Variants in ERO1B observed in about 807,000 individuals in gnomAD.
ERO1B encodes ERO1-like protein beta.
In ERO1B, 49 loss-of-function variants were observed where a neutral mutation model predicts 75.3. The observed-to-expected ratio is 0.65, with a 90% CI of 0.52 to 0.83. The LOEUF (loss-of-function observed/expected upper bound fraction) is 0.83, where lower values mean the gene tolerates loss of function less well. ERO1B is among the 40% of genes least tolerant of loss of function. The pLI is 0.00. For missense variants in ERO1B, 512 were observed against 560.1 expected, an observed-to-expected ratio of 0.91 and a Z score of 0.87; for synonymous variants, 191 against 192.9, an observed-to-expected ratio of 0.99 and a Z score of 0.08.
At position 236,220,976 on chromosome 1, in the gene ERO1B, T is replaced by A. The variant is rs1664123595; in HGVS notation, c.1210-11A>T. On this transcript the variant is annotated splice_polypyrimidine_tract_variant and intron_variant, in intron 14 of 15. Transcript: ENST00000354619. Reference sequence around the variant, plus strand: ...TCCTAAACCCTGAGTCTAAAGAAAATAGCAATAAACTCATAATTAACTTTA... The same window carrying A: ...TCCTAAACCCTGAGTCTAAAGAAAAAAGCAATAAACTCATAATTAACTTTA... 6.6e-7 allele frequency: 1 copy of A among 1,506,870 alleles called. No homozygotes were observed. The highest frequency in any genetic ancestry group is 1.4e-5 in the African/African-American group (1 of 70,106). The allele number at this position is 1,506,870 out of a possible 1,614,324, so 93.3% of individuals were successfully genotyped here. A position where few individuals can be genotyped will look rare whatever the true frequency, so the allele number is the denominator to read the frequency against.
At position 236,223,777 on chromosome 1, in the gene ERO1B, C is replaced by T. The variant is rs148670630; in HGVS notation, c.1122+1293G>A. 9.6e-4 allele frequency among the ~76,000 whole-genome samples: 146 copies of T among 152,248 alleles called. 1 individual carries two copies. The highest frequency in any genetic ancestry group is 3.3e-3 in the African/African-American group (139 of 41,540). On this transcript the variant is annotated intron_variant, in intron 13 of 15. Coordinates refer to ENST00000354619, the MANE Select transcript of ERO1B (RefSeq NM_019891.4). ...TAAAAGTAGAACATATGTGTTGATA[C>T]TTAGAAAACAGGAAGCATTATAAAA...
chr1:236,227,028 A>G (rs1431767139), intron 10 of ERO1B, among the ~76,000 whole-genome samples: 3 of 152,226 alleles, frequency 2.0e-5, no homozygotes, highest in Non-Finnish European at 2.9e-5. Flanking sequence ...TTCCCATGTT[A>G]GACAGCAACA....
intron 2 of ERO1B, among the ~76,000 whole-genome samples, chr1:236,261,381 T>C (rs1029199863): frequency 2.6e-5 from 4 of 152,174 alleles, no homozygotes; most frequent in Non-Finnish European, 5.9e-5. Flanking sequence ...GCTGATGACA[T>C]GATCTCATAG....
chr1:236,262,370 T>A (rs1273606144), intron 2 of ERO1B, among the ~76,000 whole-genome samples: 1 of 152,126 alleles, frequency 6.6e-6, no homozygotes, highest in Non-Finnish European at 1.5e-5. Flanking sequence ...CTCACACTCT[T>A]TAGGTCTTCC....
At position 236,269,753 on chromosome 1, in the gene ERO1B, T is replaced by TA. The variant is rs1046757324; in HGVS notation, c.222+121dup. On this transcript the variant is annotated intron_variant, in intron 2 of 15. Transcript: ENST00000354619. ...AATAGGTTTCCACTGCAATACATAA[T>TA]AAATTCAGTGATGAAAGATATACAC... is the stretch of plus-strand genomic sequence containing the variant. 254 of 728,218 alleles carry TA rather than the reference T, an allele frequency of 3.5e-4. 1 individual carries two copies. In the Middle Eastern group the frequency reaches 0.015, roughly 43 times the overall value. 45.1% of individuals were successfully genotyped at this position (728,218 alleles called of 1,614,324 possible). A position where few individuals can be genotyped will look rare whatever the true frequency, so the allele number is the denominator to read the frequency against.
intron 4 of ERO1B, 83 bp from the exon 5 acceptor site, chr1:236,250,050 A>C: frequency 1.2e-6 from 1 of 858,014 alleles, no homozygotes; most frequent in Non-Finnish European, 1.8e-6. Flanking sequence ...TCAATCTGTC[A>C]ACAATGATAT....
intron 1 of ERO1B, among the ~76,000 whole-genome samples, chr1:236,274,207 C>T (rs1345095189): frequency 6.6e-6 from 1 of 152,106 alleles, no homozygotes; most frequent in Non-Finnish European, 1.5e-5. Flanking sequence ...TGGTCTCAAA[C>T]TCCTGGCCTC....
chr1:236,268,682 C>G (rs552892169), intron 2 of ERO1B, among the ~76,000 whole-genome samples: 63 of 150,730 alleles, frequency 4.2e-4, no homozygotes, highest in Admixed American at 1.9e-3. Context: ...GTCAGGAGAT[C>G]AAGACCATCC....
chr1:236,222,060 C>T (rs2477587), intron 13 of ERO1B, 50 bp from the exon 14 acceptor site: 605,688 of 1,365,312 alleles, frequency 0.44, 142,431 homozygotes, highest in East Asian at 0.88. Context: ...AAAATTGAAC[C>T]GCATTTGGCT....
In ERO1B at chr1:236,276,381, T is replaced by G. The variant is rs559015971; in HGVS notation, c.102+5301A>C. 4.6e-5 allele frequency among the ~76,000 whole-genome samples: 7 copies of G among 152,330 alleles called. No homozygotes were observed. In the South Asian group the frequency reaches 1.5e-3, roughly 32 times the overall value. On this transcript the variant is annotated intron_variant, in intron 1 of 15. Transcript: ENST00000354619. ...TAAAGAGAAGAAAGAGTACAAGCTT[T>G]GAACCCTGAGGTTCAAATGATTAGC...
chr1:236,221,128 A>G (rs72767446), intron 14 of ERO1B, among the ~76,000 whole-genome samples, 163 bp from the exon 15 acceptor site: 19 of 152,324 alleles, frequency 1.2e-4, no homozygotes, highest in Non-Finnish European at 2.5e-4. Context: ...CAGGTTATGC[A>G]TATAATAAAC....
At chr1:236,253,652 A>T (rs1032439443) in intron 2 of ERO1B, 147 bp from the exon 3 acceptor site, 3 of 616,922 alleles carry the variant, frequency 4.9e-6, no homozygotes, top group Middle Eastern at 3.0e-4. Flanking sequence ...AGAATTTAAA[A>T]TGACAGCAAT....
intron 2 of ERO1B, among the ~76,000 whole-genome samples, chr1:236,266,622 A>T (rs1665447786): frequency 6.6e-6 from 1 of 152,086 alleles, no homozygotes; most frequent in Admixed American, 6.6e-5. Flanking sequence ...AAAAATTAAA[A>T]TTAAAAAATA....
At chr1:236,230,699 C>A (rs979614943) in intron 9 of ERO1B, among the ~76,000 whole-genome samples, 28 of 148,480 alleles carry the variant, frequency 1.9e-4, no homozygotes, top group Admixed American at 2.7e-4. Flanking sequence ...AGAAAAATAA[C>A]CATATGGTTC....
At chr1:236,272,328 G>A (rs1665609734) in intron 1 of ERO1B, among the ~76,000 whole-genome samples, 1 of 152,132 alleles carries the variant, frequency 6.6e-6, no homozygotes, top group Non-Finnish European at 1.5e-5. Flanking sequence ...ATCAACGGTG[G>A]ATGGAATAAA....
chr1:236,233,639 ACAT>A (rs1483924147), intron 8 of ERO1B, among the ~76,000 whole-genome samples: 1 of 151,042 alleles, frequency 6.6e-6, no homozygotes, highest in African/African-American at 2.4e-5. Flanking sequence ...AAATACAATA[ACAT>A]CAGAAAGCAA....
Position 236,226,346 on chromosome 1 carries a change from A to AATTG in ERO1B, c.971_974dup (p.Val326AsnfsTer14). On this transcript the variant is annotated frameshift_variant, in exon 12 of 16. Transcript: ENST00000354619. LOFTEE classifies it high-confidence loss of function. ...CTGCATTTCCAGTGTAAAGATCGAC[A>AATTG]ATTGAGCGCTCAAAATATGGAGCCA... The AATTG allele has an allele frequency of 6.2e-7, 1 of 1,614,112 alleles. No individual in the cohort carries two copies. Among genetic ancestry groups the AATTG allele is most frequent in the Non-Finnish European group, 8.5e-7 (1 of 1,179,990 alleles).
Position 236,217,733 on chromosome 1 carries a change from G to A in ERO1B, c.*783C>T, listed in dbSNP as rs1664029350. ...ATGTCTTTGTCCCTAAAATTTCTAG[G>A]GGCAGAGAAAAGCAAAATCAAAAGG... On this transcript the variant is annotated 3_prime_UTR_variant, in exon 16 of 16. Transcript: ENST00000354619. 1.3e-5 allele frequency: 2 copies of A among 152,352 alleles called. No homozygotes were observed. Among genetic ancestry groups the A allele is most frequent in the South Asian group, 2.1e-4 (1 of 4,822 alleles). 9.4% of individuals were successfully genotyped at this position (152,352 alleles called of 1,614,324 possible). A position where few individuals can be genotyped will look rare whatever the true frequency, so the allele number is the denominator to read the frequency against.
chr1:236,277,213 G>A (rs1192122999), intron 1 of ERO1B, among the ~76,000 whole-genome samples: 1 of 152,110 alleles, frequency 6.6e-6, no homozygotes, highest in African/African-American at 2.4e-5. Context: ...AGACCAGCCT[G>A]GCCAACATGG....
Sources: gnomAD v4.1 joint callset for allele counts (sites outside exome capture counted in the v4.1 genomes callset) on GRCh38, gnomAD v4.1.1 for gene constraint, MANE v1.5 for transcripts, NCBI Gene and HGNC (gene_info 2026-07-23, HGNC 2026-07-21) for gene names.